Variants in CTIF observed in about 807,000 individuals in gnomAD.
The protein encoded by CTIF is CBP80/20-dependent translation initiation factor.
Under a neutral mutation model 66.0 loss-of-function variants are expected in CTIF, and 21 were observed. The observed-to-expected ratio is 0.32, with a 90% confidence interval of 0.23 to 0.46. The LOEUF (loss-of-function observed/expected upper bound fraction) is 0.46. CTIF is among the 20% of genes least tolerant of loss of function. CTIF has a pLI of 1.00. For synonymous variants in CTIF, 345 were observed against 326.4 expected (o/e 1.06, Z -0.62); for missense variants, 739 against 812.7 (o/e 0.91, Z 1.10).
Position 48,848,465 on chromosome 18 carries a change from C to T in CTIF, c.1528-9123C>T, listed in dbSNP as rs546591169. Among the ~76,000 whole-genome samples the T allele has an allele frequency of 3.3e-5, 5 of 152,322 alleles. 1 individual carries two copies. In the South Asian group the frequency reaches 1.0e-3, roughly 32 times the overall value. On this transcript the variant is annotated intron_variant, in intron 10 of 11. Transcript: ENST00000256413. Reference sequence around the variant, plus strand: ...CTTTTTCTGCAGCTGCATTAGGTGGCTTGGGTTTGCTCTCCCACAGTAGAA... The same window carrying T: ...CTTTTTCTGCAGCTGCATTAGGTGGTTTGGGTTTGCTCTCCCACAGTAGAA...
At chr18:48,711,867 T>C (rs568492248) in intron 7 of CTIF, among the ~76,000 whole-genome samples, 172 bp downstream of exon 7, 2 of 152,018 alleles carry the variant, frequency 1.3e-5, no homozygotes, top group East Asian at 3.9e-4. Context: ...AGGGGCAGAG[T>C]GGCGGCTCCA....
chr18:48,852,864 C>T, intron 10 of CTIF, among the ~76,000 whole-genome samples: 1 of 152,166 alleles, frequency 6.6e-6, no homozygotes, highest in East Asian at 1.9e-4. Flanking sequence ...ACCAAATTGC[C>T]ATCTATAGAG....
chr18:48,636,715 G>A (rs1454438162), intron 3 of CTIF, 30 bp downstream of exon 3: 2 of 1,528,578 alleles, frequency 1.3e-6, no homozygotes, highest in Admixed American at 4.3e-5. Context: ...CTCTGTCTGG[G>A]GGTGTCCTAT....
intron 1 of CTIF, among the ~76,000 whole-genome samples, chr18:48,611,728 T>C (rs1365024807): frequency 6.6e-6 from 1 of 152,204 alleles, no homozygotes; most frequent in Non-Finnish European, 1.5e-5. Flanking sequence ...CCGGCCAATA[T>C]GTTTTTCATG....
At chr18:48,716,858 G>C (rs763041312) in intron 7 of CTIF, among the ~76,000 whole-genome samples, 6 of 152,144 alleles carry the variant, frequency 3.9e-5, no homozygotes, top group East Asian at 1.9e-4. Flanking sequence ...GTGAGGTCTC[G>C]GAATGGTTAA....
At chr18:48,695,177 C>T (rs1253669939) in intron 6 of CTIF, among the ~76,000 whole-genome samples, 1 of 152,214 alleles carries the variant, frequency 6.6e-6, no homozygotes, top group Non-Finnish European at 1.5e-5. Flanking sequence ...TTACAGCAAC[C>T]TTGTAAATGT....
intron 5 of CTIF, among the ~76,000 whole-genome samples, chr18:48,667,045 G>C (rs1389789748): frequency 1.3e-5 from 2 of 151,382 alleles, no homozygotes; most frequent in Admixed American, 6.6e-5. Context: ...CACTAGACCT[G>C]CTGGGTCCCT....
At chr18:48,548,134 G>A (rs1568024477) in intron 1 of CTIF, among the ~76,000 whole-genome samples, 1 of 152,180 alleles carries the variant, frequency 6.6e-6, no homozygotes, top group Non-Finnish European at 1.5e-5. Flanking sequence ...CTGTAGTTAT[G>A]ACAATTGAGC....
At chr18:48,710,166 T>C (rs1365081102) in intron 6 of CTIF, among the ~76,000 whole-genome samples, 2 of 152,242 alleles carry the variant, frequency 1.3e-5, no homozygotes, top group East Asian at 3.8e-4. Flanking sequence ...TCCCGAGGGC[T>C]GCATGTGCCC....
rs577844898 is a variant in CTIF at position 48,818,431 on chromosome 18, T to G, written c.1527+1055T>G. The stretch of plus-strand genomic sequence containing the variant: ...ATTTTCTGAGATGGAGGATACTGGA[T>G]GAGAAATAGAATGGGGATGAAAAGC... On this transcript the variant is annotated intron_variant, in intron 10 of 11. Coordinates refer to ENST00000256413, the MANE Select transcript of CTIF (RefSeq NM_014772.3). Among the ~76,000 whole-genome samples the G allele has an allele frequency of 2.0e-5, 3 of 152,182 alleles. No homozygotes were observed. In the South Asian group the frequency reaches 6.2e-4, roughly 32 times the overall value.
At chr18:48,656,801 A>G (rs534393571) in intron 3 of CTIF, among the ~76,000 whole-genome samples, 74 of 152,230 alleles carry the variant, frequency 4.9e-4, no homozygotes, top group African/African-American at 1.7e-3. Context: ...CATTTCAGCA[A>G]CCGGGGGGGC....
intron 6 of CTIF, among the ~76,000 whole-genome samples, chr18:48,694,485 G>T (rs748306188): frequency 6.6e-6 from 1 of 152,204 alleles, no homozygotes; most frequent in African/African-American, 2.4e-5. Flanking sequence ...TTGAGCCACC[G>T]CTGTGCCCCT....
chr18:48,640,873 C>A (rs76316231), intron 3 of CTIF, among the ~76,000 whole-genome samples: 1 of 151,744 alleles, frequency 6.6e-6, no homozygotes, highest in African/African-American at 2.4e-5. Flanking sequence ...TTTTCTGAAC[C>A]CTTTCAGAGG....
intron 6 of CTIF, among the ~76,000 whole-genome samples, chr18:48,698,221 A>T (rs1235631694): frequency 2.0e-5 from 3 of 149,636 alleles, no homozygotes; most frequent in Admixed American, 1.3e-4. Flanking sequence ...AAATGACAAA[A>T]TGCTGCTTTC....
At chr18:48,766,099 C>T (rs1237323588) in intron 9 of CTIF, among the ~76,000 whole-genome samples, 2 of 111,672 alleles carry the variant, frequency 1.8e-5, no homozygotes, top group African/African-American at 6.8e-5. Flanking sequence ...GCTATCCCTC[C>T]CCCCTCCCCC....
chr18:48,713,227 G>C (rs1440749393), intron 7 of CTIF, among the ~76,000 whole-genome samples: 1 of 152,190 alleles, frequency 6.6e-6, no homozygotes, highest in Non-Finnish European at 1.5e-5. Context: ...TATGTCCTCT[G>C]CCTCTGGCCC....
chr18:48,727,553 A>C (rs1030692339), intron 7 of CTIF, among the ~76,000 whole-genome samples: 2 of 152,160 alleles, frequency 1.3e-5, no homozygotes, highest in African/African-American at 4.8e-5. Flanking sequence ...ATCCTTTGAA[A>C]AACTTTATGG....
intron 2 of CTIF, among the ~76,000 whole-genome samples, chr18:48,635,309 T>C (rs978701802): frequency 7.3e-6 from 1 of 137,004 alleles, no homozygotes; most frequent in Non-Finnish European, 1.5e-5. Flanking sequence ...TTTTTTCTTT[T>C]TCTTTTTCTT....
intron 1 of CTIF, among the ~76,000 whole-genome samples, chr18:48,554,104 G>A (rs2088959088): frequency 1.3e-5 from 2 of 152,152 alleles, no homozygotes; most frequent in South Asian, 2.1e-4. Context: ...GTGGCTGTCC[G>A]CCAGTGTGAC....
Sources: gnomAD v4.1 joint callset for allele counts (sites outside exome capture counted in the v4.1 genomes callset) on GRCh38, gnomAD v4.1.1 for gene constraint, MANE v1.5 for transcripts, NCBI Gene and HGNC (gene_info 2026-07-23, HGNC 2026-07-21) for gene names.